The following RCAN1 variants were observed in gnomAD, a reference collection of about 807,000 sequenced individuals.
RCAN1 encodes the protein calcipressin-1.
A neutral mutation model predicts 22.9 loss-of-function variants in RCAN1; 11 were observed. The ratio of observed to expected loss-of-function variants is 0.48; its 90% CI spans 0.30 to 0.79. RCAN1 has a LOEUF of 0.79. RCAN1 is among the 30% of genes least tolerant of loss of function. The pLI, the probability that RCAN1 is intolerant of heterozygous loss-of-function variation, is 0.06. For missense variants in RCAN1, 291 were observed against 337.8 expected (o/e 0.86, Z 1.09); for synonymous variants, 136 against 142.3 (o/e 0.96, Z 0.32).
intron 1 of RCAN1, among the ~76,000 whole-genome samples, chr21:34,595,296 G>A (rs1044457421): frequency 7.2e-5 from 11 of 152,194 alleles, no homozygotes; most frequent in African/African-American, 1.2e-4. Context: ...CTGGGGGTGT[G>A]CTGAGATGCT....
chr21:34,544,823 T>C (rs1003658616), intron 1 of RCAN1, among the ~76,000 whole-genome samples: 6 of 152,170 alleles, frequency 3.9e-5, no homozygotes, highest in African/African-American at 1.4e-4. Context: ...GGGACGGGGC[T>C]GTAAGTCTCA....
rs368769230 is a variant in RCAN1, at chr21:34,608,340, C to G, written c.252+6420G>C. The stretch of plus-strand genomic sequence containing the variant: ...GGTATTTACACCCTTTTGTAATTCC[C>G]TCTCCCTGAGTGAGATTTGCACTTA... On this transcript the variant is annotated intron_variant, in intron 1 of 3. Coordinates refer to ENST00000313806, the MANE Select transcript of RCAN1 (RefSeq NM_004414.7). Among the ~76,000 whole-genome samples, 25 of 152,252 alleles carry G rather than the reference C, an allele frequency of 1.6e-4. No individual in the cohort carries two copies. The East Asian group carries it at 3.7e-3, about 22-fold the overall frequency.
chr21:34,537,237 G>A (rs373650447), intron 1 of RCAN1, among the ~76,000 whole-genome samples: 1 of 151,400 alleles, frequency 6.6e-6, no homozygotes, highest in Middle Eastern at 3.4e-3. Flanking sequence ...TGGTTCATCA[G>A]GAAAATCTAG....
At chr21:34,560,125 C>A (rs1459453160) in intron 1 of RCAN1, 1 of 152,208 alleles carries the variant, frequency 6.6e-6, no homozygotes, top group Non-Finnish European at 1.5e-5. Flanking sequence ...TTTCTGACCA[C>A]TCTAACACAA....
At chr21:34,575,794 A>C (rs1318031313) in intron 1 of RCAN1, among the ~76,000 whole-genome samples, 2 of 152,210 alleles carry the variant, frequency 1.3e-5, no homozygotes, top group Non-Finnish European at 2.9e-5. Context: ...CCTGTAGCTG[A>C]ACCTCAGAAG....
intron 1 of RCAN1, among the ~76,000 whole-genome samples, chr21:34,601,323 C>T (rs1988332284): frequency 6.6e-6 from 1 of 152,154 alleles, no homozygotes; most frequent in South Asian, 2.1e-4. Context: ...ACAACACAAC[C>T]CCAGGAGGTA....
At chr21:34,607,678 T>A (rs1424672716) in intron 1 of RCAN1, among the ~76,000 whole-genome samples, 1 of 151,620 alleles carries the variant, frequency 6.6e-6, no homozygotes, top group East Asian at 1.9e-4. Context: ...TAGAAAGAAA[T>A]CTTAATATGC....
rs139080685 is a variant in RCAN1, at chr21:34,596,617, C to T, written c.252+18143G>A. On this transcript the variant is annotated intron_variant, in intron 1 of 3. Transcript: ENST00000313806. ...CCGTCTCAGGGACAGGAGCAACCCC[C>T]GCTGCCATGCAGAAGATGCAGAAAG... 2.8e-3 allele frequency among the ~76,000 whole-genome samples: 421 copies of T among 152,308 alleles called. 2 individuals carry two copies. Among genetic ancestry groups the T allele is most frequent in the Non-Finnish European group, 4.1e-3 (277 of 68,028 alleles).
intron 1 of RCAN1, among the ~76,000 whole-genome samples, chr21:34,582,458 A>G (rs1024699464): frequency 2.0e-5 from 3 of 151,930 alleles, no homozygotes; most frequent in African/African-American, 7.3e-5. Flanking sequence ...ACCTGGGAGG[A>G]GTGAGGGAGT....
At chr21:34,565,518 G>A (rs1986969802) in intron 1 of RCAN1, among the ~76,000 whole-genome samples, 1 of 152,198 alleles carries the variant, frequency 6.6e-6, no homozygotes, top group African/African-American at 2.4e-5. Context: ...AGGTGAGGGC[G>A]CTGCAGCTGA....
chr21:34,544,911 T>C (rs938347597), intron 1 of RCAN1, among the ~76,000 whole-genome samples: 1 of 152,222 alleles, frequency 6.6e-6, no homozygotes, highest in Non-Finnish European at 1.5e-5. Flanking sequence ...TTTTAAAGAC[T>C]GTATGACGTG....
chr21:34,556,653 T>G (rs922753929), intron 1 of RCAN1, among the ~76,000 whole-genome samples: 1 of 152,208 alleles, frequency 6.6e-6, no homozygotes, highest in African/African-American at 2.4e-5. Context: ...AATAGTTTAT[T>G]TTTGCAATCA....
At chr21:34,604,427 C>T (rs1988460956) in intron 1 of RCAN1, among the ~76,000 whole-genome samples, 1 of 152,056 alleles carries the variant, frequency 6.6e-6, no homozygotes, top group Non-Finnish European at 1.5e-5. Context: ...CCACAGCACC[C>T]GGCCATCTTG....
intron 1 of RCAN1, among the ~76,000 whole-genome samples, chr21:34,591,452 A>T (rs1987969741): frequency 1.3e-5 from 2 of 152,168 alleles, no homozygotes; most frequent in Non-Finnish European, 2.9e-5. Flanking sequence ...GGAGAAGGCA[A>T]GCATGGGCCC....
intron 2 of RCAN1, chr21:34,522,664 G>C (rs189316312): frequency 6.6e-6 from 1 of 151,462 alleles, no homozygotes; most frequent in South Asian, 2.1e-4. Flanking sequence ...CCTCCCACTG[G>C]GGGAGGCCTT....
intron 1 of RCAN1, among the ~76,000 whole-genome samples, chr21:34,567,818 G>A (rs1987086175): frequency 6.6e-6 from 1 of 152,170 alleles, no homozygotes; most frequent in Admixed American, 6.5e-5. Flanking sequence ...CAACATAAGA[G>A]GAAAATGGGG....
chr21:34,581,836 GCTCTACAGTA>G (rs1406423074), intron 1 of RCAN1, among the ~76,000 whole-genome samples: 1 of 152,198 alleles, frequency 6.6e-6, no homozygotes, highest in Non-Finnish European at 1.5e-5. Context: ...TCTCCCACGG[GCTCTACAGTA>G]CTCTTGCAAA....
chr21:34,517,497 T>C lies in RCAN1; in HGVS notation c.*587A>G, dbSNP rs2123555019. On this transcript the variant is annotated 3_prime_UTR_variant, in exon 4 of 4. Coordinates refer to ENST00000313806, the MANE Select transcript of RCAN1 (RefSeq NM_004414.7). ...ACGTTTTCCAAACGCTTTCCTGGCT[T>C]CCCAAAAGATGTAAAACAACAACGG... 6.6e-6 allele frequency: 1 copy of C among 152,342 alleles called. No homozygotes were observed. The highest frequency in any genetic ancestry group is 1.9e-4 in the East Asian group (1 of 5,190). The allele number at this position is 152,342 out of a possible 1,614,324, so 9.4% of individuals were successfully genotyped here.
At chr21:34,538,911 A>G (rs1376644730) in intron 1 of RCAN1, among the ~76,000 whole-genome samples, 1 of 152,176 alleles carries the variant, frequency 6.6e-6, no homozygotes, top group Non-Finnish European at 1.5e-5. Context: ...GCAAGGCCCA[A>G]GCTCAAGGAA....
Sources: allele counts gnomAD v4.1 joint callset (sites outside exome capture counted in the v4.1 genomes callset), GRCh38; gene constraint gnomAD v4.1.1; transcripts MANE v1.5; gene names NCBI Gene and HGNC (gene_info 2026-07-23, HGNC 2026-07-21).